NCAM1: variants seen among roughly 807,000 people sequenced by gnomAD.
NCAM1 encodes neural cell adhesion molecule 1, also known as antigen recognized by monoclonal antibody 5.1H11.
A neutral mutation model predicts 109.8 loss-of-function variants in NCAM1; 14 were observed. The ratio of observed to expected loss-of-function variants is 0.13; its 90% confidence interval spans 0.08 to 0.20. The LOEUF (loss-of-function observed/expected upper bound fraction) is 0.20. Among genes scored for constraint, NCAM1 ranks in the 10% least tolerant of loss-of-function variants. The probability of loss-of-function intolerance (pLI) is 1.00; values close to 1 mark genes in which losing one functional copy is unlikely to be tolerated. For synonymous variants in NCAM1, 418 were observed against 442.9 expected, an observed-to-expected ratio of 0.94 and a Z score of 0.70; for missense variants, 774 against 1,109.9, an observed-to-expected ratio of 0.70 and a Z score of 4.30.
Position 113,149,165 on chromosome 11 carries a change from T to C in NCAM1, c.53-53214T>C, listed in dbSNP as rs1333217829. On this transcript the variant is annotated intron_variant, in intron 1 of 19. Coordinates refer to ENST00000316851, the MANE Select transcript of NCAM1 (RefSeq NM_181351.5). ...TACTTTGGGTGGGAGCCAGTACCTC[T>C]GCTGGACCCGGGGTGGGGCCTGCCA... Among the ~76,000 whole-genome samples, 8 of 152,326 alleles carry C rather than the reference T, an allele frequency of 5.3e-5. No individual in the cohort carries two copies. In the East Asian group the frequency reaches 1.2e-3, roughly 22 times the overall value.
chr11:113,127,674 A>G (rs1214917940), intron 1 of NCAM1, among the ~76,000 whole-genome samples: 1 of 152,222 alleles, frequency 6.6e-6, no homozygotes, highest in African/African-American at 2.4e-5. Flanking sequence ...TGGTAATTCA[A>G]TCTCCACTAA....
intron 1 of NCAM1, among the ~76,000 whole-genome samples, chr11:113,113,969 A>G (rs1940565988): frequency 6.6e-6 from 1 of 152,134 alleles, no homozygotes; most frequent in Admixed American, 6.5e-5. Flanking sequence ...ATGCTGAGGG[A>G]CTTGGAAAGG....
chr11:113,162,764 G>A (rs1398937113), intron 1 of NCAM1, among the ~76,000 whole-genome samples: 1 of 152,138 alleles, frequency 6.6e-6, no homozygotes, highest in Non-Finnish European at 1.5e-5. Flanking sequence ...CGGTCACGGG[G>A]CATATTCTCA....
intron 1 of NCAM1, among the ~76,000 whole-genome samples, chr11:113,052,866 A>C (rs905700419): frequency 1.3e-5 from 2 of 151,946 alleles, no homozygotes; most frequent in Non-Finnish European, 2.9e-5. Context: ...CCACCCCCCG[A>C]CAGGGCCCGG....
At chr11:113,159,647 C>G (rs1414225170) in intron 1 of NCAM1, among the ~76,000 whole-genome samples, 2 of 151,418 alleles carry the variant, frequency 1.3e-5, no homozygotes, top group East Asian at 3.9e-4. Flanking sequence ...TTTTTTTTTC[C>G]TTTTATCGTT....
intron 1 of NCAM1, among the ~76,000 whole-genome samples, chr11:112,982,463 T>C (rs1951178597): frequency 6.6e-6 from 1 of 151,806 alleles, no homozygotes; most frequent in Non-Finnish European, 1.5e-5. Context: ...GGAGCATGTT[T>C]TGGGAAGTTG....
chr11:113,223,172 G>T (rs1449331123), intron 9 of NCAM1, among the ~76,000 whole-genome samples: 1 of 152,156 alleles, frequency 6.6e-6, no homozygotes, highest in African/African-American at 2.4e-5. Context: ...CAGCCTGGGT[G>T]GTCAGCATGA....
At chr11:112,965,290 G>T (rs973811407) in intron 1 of NCAM1, among the ~76,000 whole-genome samples, 1 of 152,074 alleles carries the variant, frequency 6.6e-6, no homozygotes, top group Non-Finnish European at 1.5e-5. Context: ...TGATGTGGGT[G>T]TGCTATTTGT....
At chr11:112,987,858 C>A (rs1346977578) in intron 1 of NCAM1, among the ~76,000 whole-genome samples, 6 of 152,010 alleles carry the variant, frequency 3.9e-5, no homozygotes, top group African/African-American at 7.2e-5. Context: ...CACTTTATAT[C>A]TTTTGACCTT....
intron 1 of NCAM1, among the ~76,000 whole-genome samples, chr11:113,087,383 G>A (rs782678938): frequency 9.2e-5 from 14 of 152,202 alleles, no homozygotes; most frequent in Admixed American, 6.5e-5. Context: ...CCTAAAGTAC[G>A]ATCCACAGAT....
At chr11:113,249,480 G>A (rs1483238936) in intron 15 of NCAM1, among the ~76,000 whole-genome samples, 1 of 152,104 alleles carries the variant, frequency 6.6e-6, no homozygotes, top group East Asian at 1.9e-4. Context: ...GAAACTGCCA[G>A]TTCCCTTAGG....
At chr11:113,175,012 G>A (rs1328420003) in intron 1 of NCAM1, among the ~76,000 whole-genome samples, 5 of 152,196 alleles carry the variant, frequency 3.3e-5, no homozygotes, top group Non-Finnish European at 5.9e-5. Flanking sequence ...TTCCTCCATG[G>A]AACTCCTACA....
chr11:113,248,203 T>G (rs1348733287), intron 15 of NCAM1, among the ~76,000 whole-genome samples: 1 of 147,446 alleles, frequency 6.8e-6, no homozygotes, highest in Non-Finnish European at 1.5e-5. Context: ...TCATCTTGGC[T>G]GTTGGTAAAA....
intron 1 of NCAM1, among the ~76,000 whole-genome samples, chr11:113,134,385 CACTGATGG>C (rs1941523712): frequency 6.6e-6 from 1 of 152,160 alleles, no homozygotes; most frequent in South Asian, 2.1e-4. Context: ...TCCATTCACC[CACTGATGG>C]ACATCTGGGC....
chr11:113,240,937 G>A, intron 14 of NCAM1: 4 of 1,237,966 alleles, frequency 3.2e-6, no homozygotes, highest in Non-Finnish European at 4.7e-6. Flanking sequence ...ATTCAACTCA[G>A]TTGGTGGAAA....
At chr11:113,177,048 A>G (rs1943174332) in intron 1 of NCAM1, among the ~76,000 whole-genome samples, 4 of 152,180 alleles carry the variant, frequency 2.6e-5, no homozygotes, top group Admixed American at 2.6e-4. Context: ...TCCTCCATAG[A>G]CTTTCTTGCC....
At chr11:113,001,842 C>T (rs1951761121) in intron 1 of NCAM1, among the ~76,000 whole-genome samples, 2 of 152,102 alleles carry the variant, frequency 1.3e-5, no homozygotes. Flanking sequence ...GTATTTTAGA[C>T]ATGGCGGGAT....
At chr11:113,235,741 C>T (rs782358486) in intron 14 of NCAM1, among the ~76,000 whole-genome samples, 18 of 152,332 alleles carry the variant, frequency 1.2e-4, no homozygotes, top group East Asian at 3.9e-4. Context: ...GCATTCCTCA[C>T]GGCCTCTTTC....
intron 1 of NCAM1, among the ~76,000 whole-genome samples, chr11:113,024,920 C>A (rs1333779803): frequency 6.6e-6 from 1 of 152,196 alleles, no homozygotes; most frequent in Admixed American, 6.5e-5. Flanking sequence ...GCTTCAAATT[C>A]TGTAGTCTTC....
Sources: allele counts gnomAD v4.1 joint callset (sites outside exome capture counted in the v4.1 genomes callset), GRCh38; gene constraint gnomAD v4.1.1; transcripts MANE v1.5; gene names NCBI Gene and HGNC (gene_info 2026-07-23, HGNC 2026-07-21).